Variants in CDC27 observed in about 807,000 individuals in gnomAD.
The protein encoded by CDC27 is cell division cycle protein 27 homolog.
A neutral mutation model predicts 109.7 loss-of-function variants in CDC27; 27 were observed. The observed-to-expected ratio is 0.25, with a 90% CI of 0.18 to 0.34. CDC27 has a LOEUF of 0.34. CDC27 is among the 10% of genes least tolerant of loss of function. The probability of loss-of-function intolerance (pLI) is 1.00; values close to 1 mark genes in which losing one functional copy is unlikely to be tolerated. For missense variants in CDC27, 579 were observed against 960.2 expected (o/e 0.60, Z 5.25); for synonymous variants, 266 against 333.9 (o/e 0.80, Z 2.22).
chr17:47,166,653 CT>C (rs1484683176), intron 4 of CDC27, among the ~76,000 whole-genome samples: 2 of 152,064 alleles, frequency 1.3e-5, no homozygotes, highest in African/African-American at 4.8e-5. Flanking sequence ...CTGTGCTCTT[CT>C]TTTTCTAGTT....
At chr17:47,189,107 G>C (rs763604837) in intron 1 of CDC27, 39 bp downstream of exon 1, 7 of 1,606,992 alleles carry the variant, frequency 4.4e-6, no homozygotes, top group African/African-American at 1.3e-5. Context: ...TCCCGACCGA[G>C]GCTGCCAGCC....
At chr17:47,154,518 T>A (rs1046288175) in intron 8 of CDC27, among the ~76,000 whole-genome samples, 154 bp downstream of exon 8, 6 of 152,224 alleles carry the variant, frequency 3.9e-5, no homozygotes, top group African/African-American at 1.4e-4. Flanking sequence ...ATAATGACAT[T>A]CTTTTATATT....
At chr17:47,162,513 G>T (rs1301240428) in intron 4 of CDC27, among the ~76,000 whole-genome samples, 1 of 152,074 alleles carries the variant, frequency 6.6e-6, no homozygotes, top group Non-Finnish European at 1.5e-5. Flanking sequence ...CCCTTGCTTT[G>T]CCAGCAGAAT....
At position 47,126,658 on chromosome 17, in the gene CDC27, A is replaced by G. The variant is rs142265178; in HGVS notation, c.2161-2698T>C. The stretch of plus-strand genomic sequence containing the variant: ...ATGTTGGTATTAAAATGGCTTTAAG[A>G]ATAATGAATAAAGTCCTTCATATCT... On this transcript the variant is annotated intron_variant, in intron 16 of 18. Transcript: ENST00000066544. 4.7e-4 allele frequency among the ~76,000 whole-genome samples: 71 copies of G among 152,374 alleles called. 1 individual carries two copies. The East Asian group carries it at 9.8e-3, about 21-fold the overall frequency.
intron 2 of CDC27, among the ~76,000 whole-genome samples, chr17:47,176,862 T>C (rs2064033486): frequency 6.6e-6 from 1 of 152,240 alleles, no homozygotes; most frequent in African/African-American, 2.4e-5. Flanking sequence ...TCCACATCTT[T>C]AGTAGAATTC....
At chr17:47,147,428 CA>C (rs112729209) in intron 9 of CDC27, among the ~76,000 whole-genome samples, 177 of 134,770 alleles carry the variant, frequency 1.3e-3, no homozygotes, top group African/African-American at 4.4e-3. Context: ...AACAAACAAA[CA>C]AAAAAAAAAA....
chr17:47,153,199 C>T (rs1397175609), intron 8 of CDC27, among the ~76,000 whole-genome samples: 1 of 152,228 alleles, frequency 6.6e-6, no homozygotes, highest in Non-Finnish European at 1.5e-5. Flanking sequence ...TGCAGACCTA[C>T]ATGCGTGACT....
chr17:47,145,312 T>A (rs904217493), intron 9 of CDC27, among the ~76,000 whole-genome samples: 2 of 152,196 alleles, frequency 1.3e-5, no homozygotes, highest in Non-Finnish European at 2.9e-5. Context: ...CAGCCAGAAT[T>A]TGCAAGGCAG....
intron 5 of CDC27, among the ~76,000 whole-genome samples, chr17:47,157,831 T>C (rs1174865541): frequency 6.6e-6 from 1 of 152,186 alleles, no homozygotes; most frequent in Non-Finnish European, 1.5e-5. Flanking sequence ...ACTGAGAAAT[T>C]CTCTCCCTGT....
At chr17:47,132,465 G>A (rs1568372453) in intron 14 of CDC27, 91 bp from the exon 15 acceptor site, 1 of 537,034 alleles carries the variant, frequency 1.9e-6, no homozygotes, top group African/African-American at 2.0e-5. Context: ...ATAGAATCTG[G>A]CATTTTAATA....
chr17:47,181,350 CAT>C (rs1397402580), intron 2 of CDC27: 1 of 166,784 alleles, frequency 6.0e-6, no homozygotes, highest in African/African-American at 2.8e-5. Flanking sequence ...TTAAGTAAAT[CAT>C]AGCATATAAA....
At chr17:47,173,502 T>C (rs2063879941) in intron 2 of CDC27, among the ~76,000 whole-genome samples, 1 of 152,172 alleles carries the variant, frequency 6.6e-6, no homozygotes, top group African/African-American at 2.4e-5. Flanking sequence ...TCTGGTTTCT[T>C]TTCACCTTAT....
At chr17:47,141,640 A>T (rs2062796436) in intron 12 of CDC27, among the ~76,000 whole-genome samples, 1 of 152,170 alleles carries the variant, frequency 6.6e-6, no homozygotes, top group Non-Finnish European at 1.5e-5. Context: ...GGGTCTCTAT[A>T]AACCTATTCC....
chr17:47,124,209 A>ACACACACACACACACC (rs774336770), intron 16 of CDC27, among the ~76,000 whole-genome samples: 1 of 148,316 alleles, frequency 6.7e-6, no homozygotes, highest in Non-Finnish European at 1.5e-5. Flanking sequence ...ACACACACAC[A>ACACACACACACACACC]CCCCTCTTCG....
At chr17:47,152,019 G>T in intron 8 of CDC27, 101 bp from the exon 9 acceptor site, 1 of 1,008,766 alleles carries the variant, frequency 9.9e-7, no homozygotes, top group Non-Finnish European at 1.4e-6. Flanking sequence ...AATACAAGCA[G>T]CCATAATATA....
intron 4 of CDC27, chr17:47,159,226 G>A (rs995939914): frequency 2.1e-6 from 1 of 483,576 alleles, no homozygotes; most frequent in Non-Finnish European, 3.6e-6. Context: ...CGGGTCCTCT[G>A]TACGGAGACT....
chr17:47,151,401 T>C (rs1247021290), intron 9 of CDC27, among the ~76,000 whole-genome samples: 1 of 152,246 alleles, frequency 6.6e-6, no homozygotes, highest in Non-Finnish European at 1.5e-5. Context: ...AAGAAAATCC[T>C]ATCTAACACC....
intron 2 of CDC27, among the ~76,000 whole-genome samples, chr17:47,175,793 G>A (rs1413600247): frequency 4.6e-5 from 7 of 152,144 alleles, no homozygotes; most frequent in Admixed American, 4.6e-4. Context: ...TCCAGCCTGG[G>A]CAACAGAGCG....
At chr17:47,175,777 C>T (rs2148982589) in intron 2 of CDC27, among the ~76,000 whole-genome samples, 1 of 152,300 alleles carries the variant, frequency 6.6e-6, no homozygotes, top group Non-Finnish European at 1.5e-5. Flanking sequence ...GATCACGCCA[C>T]TGCACTCCAG....
Sources: gnomAD v4.1 joint callset for allele counts (sites outside exome capture counted in the v4.1 genomes callset) on GRCh38, gnomAD v4.1.1 for gene constraint, MANE v1.5 for transcripts, NCBI Gene and HGNC (gene_info 2026-07-23, HGNC 2026-07-21) for gene names.